The following NBAS variants were observed in gnomAD, a reference collection of about 807,000 sequenced individuals.
The protein encoded by NBAS is NBAS subunit of NRZ tethering complex.
Under a neutral mutation model 302.5 loss-of-function variants are expected in NBAS, and 219 were observed. The observed-to-expected ratio is 0.72, with a 90% CI of 0.65 to 0.81. NBAS has a LOEUF of 0.81. Ranked by LOEUF, NBAS falls within the 30% of genes least tolerant of loss-of-function variation. NBAS has a pLI of 0.00. For missense variants in NBAS, 2,932 were observed against 2,841.6 expected (o/e 1.03, Z -0.72); for synonymous variants, 1,118 against 1,021.6 (o/e 1.09, Z -1.80).
chr2:15,447,970 G>A (rs1572867699), intron 21 of NBAS, among the ~76,000 whole-genome samples: 1 of 152,150 alleles, frequency 6.6e-6, no homozygotes, highest in East Asian at 1.9e-4. Context: ...CAGAGGGGAC[G>A]AAGGCTGTGT....
At chr2:14,957,996 AC>A in the NBAS span, among the ~76,000 whole-genome samples, 1 of 152,102 alleles carries the variant, frequency 6.6e-6, no homozygotes. Context: ...AAGCCTCTGA[AC>A]CCATCTAGGC....
At chr2:15,368,981 A>G (rs1674356131) in intron 31 of NBAS, among the ~76,000 whole-genome samples, 1 of 152,234 alleles carries the variant, frequency 6.6e-6, no homozygotes, top group Non-Finnish European at 1.5e-5. Flanking sequence ...CCGATACAGT[A>G]TACTTCAAGC....
chr2:15,212,513 C>CA (rs1351792614), intron 48 of NBAS, among the ~76,000 whole-genome samples: 1 of 152,212 alleles, frequency 6.6e-6, no homozygotes, highest in Non-Finnish European at 1.5e-5. Context: ...TGCTTCCAGA[C>CA]ACAGTGGCTG....
chr2:14,876,686 G>C, the NBAS span, among the ~76,000 whole-genome samples: 1 of 152,182 alleles, frequency 6.6e-6, no homozygotes, highest in Non-Finnish European at 1.5e-5. Context: ...TTTTTGGTTG[G>C]GGAAGCTGAT....
At chr2:15,426,547 T>A (rs1457009287) in intron 22 of NBAS, among the ~76,000 whole-genome samples, 1 of 152,220 alleles carries the variant, frequency 6.6e-6, no homozygotes, top group South Asian at 2.1e-4. Context: ...GCTTTTATCT[T>A]CCAACTCTTC....
At chr2:14,956,864 G>A in the NBAS span, among the ~76,000 whole-genome samples, 1 of 152,056 alleles carries the variant, frequency 6.6e-6, no homozygotes, top group Middle Eastern at 3.2e-3. Flanking sequence ...CCATATCATG[G>A]GTTGAGGTAT....
chr2:15,050,656 G>C, the NBAS span, among the ~76,000 whole-genome samples: 3 of 152,134 alleles, frequency 2.0e-5, no homozygotes, highest in African/African-American at 7.2e-5. Flanking sequence ...CCTAGAGCTG[G>C]GCTACAGGCC....
chr2:15,251,071 A>G (rs912693293), intron 44 of NBAS, among the ~76,000 whole-genome samples: 1 of 152,224 alleles, frequency 6.6e-6, no homozygotes, highest in Non-Finnish European at 1.5e-5. Context: ...ATGCCCATCA[A>G]TGATAAACCA....
At chr2:14,979,207 G>C in the NBAS span, among the ~76,000 whole-genome samples, 4 of 152,136 alleles carry the variant, frequency 2.6e-5, no homozygotes, top group African/African-American at 4.8e-5. Context: ...TCCAAGCCTG[G>C]AACTCATTTC....
At chr2:14,962,703 A>G in the NBAS span, among the ~76,000 whole-genome samples, 6 of 152,242 alleles carry the variant, frequency 3.9e-5, no homozygotes, top group East Asian at 1.2e-3. Context: ...TCTCTAGCAC[A>G]ATGAAAATTG....
the NBAS span, among the ~76,000 whole-genome samples, chr2:15,057,729 A>G: frequency 6.6e-6 from 1 of 152,198 alleles, no homozygotes; most frequent in Non-Finnish European, 1.5e-5. Flanking sequence ...CTCTAATCTC[A>G]TTCAGATCAT....
At chr2:15,153,803 A>G in the NBAS span, among the ~76,000 whole-genome samples, 1 of 152,244 alleles carries the variant, frequency 6.6e-6, no homozygotes, top group South Asian at 2.1e-4. Context: ...TGTAAAATGA[A>G]GGTAATTCTT....
intron 21 of NBAS, among the ~76,000 whole-genome samples, chr2:15,434,032 T>C (rs770581313): frequency 1.0e-4 from 15 of 149,772 alleles, no homozygotes; most frequent in Non-Finnish European, 2.1e-4. Context: ...GAGGCTGAGG[T>C]GGGAGGGTCA....
chr2:15,426,209 G>T (rs1677467707), intron 22 of NBAS, among the ~76,000 whole-genome samples: 1 of 152,100 alleles, frequency 6.6e-6, no homozygotes, highest in Non-Finnish European at 1.5e-5. Flanking sequence ...TTGCTCCATT[G>T]TTTTCTAGTT....
downstream of NBAS, among the ~76,000 whole-genome samples, chr2:15,165,290 A>G (rs1286670872): frequency 6.6e-6 from 1 of 152,176 alleles, no homozygotes; most frequent in East Asian, 1.9e-4. Context: ...GAGCTCTAGG[A>G]AGCTTTTTTG....
At chr2:15,032,711 A>T in the NBAS span, among the ~76,000 whole-genome samples, 4 of 152,232 alleles carry the variant, frequency 2.6e-5, no homozygotes, top group Non-Finnish European at 2.9e-5. Flanking sequence ...TTTAATAAGG[A>T]GATTCCCATG....
chr2:15,515,052 CAT>C (rs371362527), intron 9 of NBAS, among the ~76,000 whole-genome samples: 3 of 152,292 alleles, frequency 2.0e-5, no homozygotes, highest in African/African-American at 7.2e-5. Context: ...TCTAAGAATG[CAT>C]ATGTGTTCAC....
chr2:15,383,124 G>C, intron 29 of NBAS, 91 bp downstream of exon 29: 1 of 1,051,266 alleles, frequency 9.5e-7, no homozygotes. Flanking sequence ...TTACTTCCAG[G>C]GTAGCTTATG....
At chr2:15,196,817 G>C (rs951915928) in intron 48 of NBAS, among the ~76,000 whole-genome samples, 8 of 147,322 alleles carry the variant, frequency 5.4e-5, no homozygotes, top group Non-Finnish European at 1.2e-4. Flanking sequence ...TTCATAATTG[G>C]AGGTTTCTGT....
Sources: allele counts gnomAD v4.1 joint callset (sites outside exome capture counted in the v4.1 genomes callset), GRCh38; gene constraint gnomAD v4.1.1; transcripts MANE v1.5; gene names NCBI Gene and HGNC (gene_info 2026-07-23, HGNC 2026-07-21).